The following SLC5A6 variants were observed in gnomAD, a reference collection of about 807,000 sequenced individuals.
SLC5A6 encodes the protein solute carrier family 5 member 6, also known as sodium-dependent multivitamin transporter.
Under a neutral mutation model 67.9 loss-of-function variants are expected in SLC5A6, and 31 were observed. That is an observed-to-expected ratio of 0.46 (90% CI 0.34 to 0.62). The LOEUF (loss-of-function observed/expected upper bound fraction) is 0.62, where lower values mean the gene tolerates loss of function less well. Among genes scored for constraint, SLC5A6 ranks in the 20% least tolerant of loss-of-function variants. The pLI, the probability that SLC5A6 is intolerant of heterozygous loss-of-function variation, is 0.01. For synonymous variants in SLC5A6, 343 were observed against 331.0 expected, an observed-to-expected ratio of 1.04 and a Z score of -0.39; for missense variants, 673 against 812.8, an observed-to-expected ratio of 0.83 and a Z score of 2.09.
At chr2:27,211,950 C>G (rs1572406367) in intron 1 of SLC5A6, 70 bp downstream of exon 1, 2 of 459,020 alleles carry the variant, frequency 4.4e-6, no homozygotes, top group East Asian at 8.4e-5. Context: ...GAGCCCTGGC[C>G]GGGAGCCCGC....
intron 2 of SLC5A6, among the ~76,000 whole-genome samples, chr2:27,209,860 T>C (rs943424572): frequency 1.6e-4 from 25 of 152,332 alleles, no homozygotes; most frequent in African/African-American, 5.3e-4. Context: ...CTGGCAACTC[T>C]TGGATCACAT....
upstream of SLC5A6, chr2:27,212,385 C>T (rs755297948): frequency 3.2e-6 from 5 of 1,550,682 alleles, no homozygotes; most frequent in South Asian, 2.4e-5. Flanking sequence ...CCTCACGACC[C>T]GGGTAGTCTT....
chr2:27,210,565 G>T (rs1674402717), intron 2 of SLC5A6, among the ~76,000 whole-genome samples: 1 of 151,824 alleles, frequency 6.6e-6, no homozygotes, highest in Non-Finnish European at 1.5e-5. Flanking sequence ...TGAGTAGCTG[G>T]GACTACAGGC....
intron 2 of SLC5A6, among the ~76,000 whole-genome samples, chr2:27,210,372 T>C (rs566379230): frequency 1.3e-5 from 2 of 152,176 alleles, no homozygotes; most frequent in South Asian, 4.2e-4. Context: ...AAGCAAGAGC[T>C]AGCTGTTGTT....
At chr2:27,201,182 T>G in intron 15 of SLC5A6, 69 bp from the exon 16 acceptor site, 1 of 1,262,120 alleles carries the variant, frequency 7.9e-7, no homozygotes, top group African/African-American at 1.5e-5. Context: ...TGTCCTCCCT[T>G]GGCCCCCAGA....
chr2:27,201,453 C>A lies in SLC5A6; in HGVS notation c.1545G>T (p.Lys515Asn). 1 of 1,602,756 alleles carries A rather than the reference C, an allele frequency of 6.2e-7. No individual in the cohort carries two copies. The highest frequency in any genetic ancestry group is 1.3e-5 in the African/African-American group (1 of 74,818). ...AATAGAACCGCTGCAGCCCTGTGGG[C>A]CTGGGAAGAGCAGAGGTGAGAACAA... ...TTLMPLTTFS[K>N]PTGLQRFYSL... Residue 515 changes from lysine to asparagine, a missense_variant and splice_region_variant, in exon 15 of 17, where the codon AAG (lysine) becomes AAT (asparagine). Coordinates refer to ENST00000310574, the MANE Select transcript of SLC5A6 (RefSeq NM_021095.4).
intron 12 of SLC5A6, 85 bp from the exon 13 acceptor site, chr2:27,202,159 T>C: frequency 1.1e-6 from 1 of 943,710 alleles, no homozygotes; most frequent in South Asian, 1.4e-5. Context: ...CCACCAGCCA[T>C]GACCTTGGAG....
intron 7 of SLC5A6, 94 bp from the exon 8 acceptor site, chr2:27,205,025 G>A (rs1454189338): frequency 6.8e-7 from 1 of 1,471,378 alleles, no homozygotes; most frequent in Non-Finnish European, 9.4e-7. Flanking sequence ...GGAAAGGAGA[G>A]ACACCACTGC....
intron 1 of SLC5A6, 60 bp downstream of exon 1, chr2:27,211,960 C>CG (rs1291378138): frequency 9.9e-6 from 5 of 502,782 alleles, no homozygotes; most frequent in East Asian, 3.8e-5. Flanking sequence ...CGGGAGCCCG[C>CG]GGGGGCCCCG....
In SLC5A6 at chr2:27,207,139, T is replaced by C. The variant is rs1674135159; in HGVS notation, c.393+119A>G. On this transcript the variant is annotated intron_variant, in intron 3 of 16. Coordinates refer to ENST00000310574, the MANE Select transcript of SLC5A6 (RefSeq NM_021095.4). The surrounding 1 kb of genome is among the most constrained non-coding windows in gnomAD (Gnocchi z 5.5). ...GAAAGAATTATAAACACACAATGAGTTTTCTGTCCCTCTCATTAGGTGGAG... is the reference window on the plus strand; with the variant it reads ...GAAAGAATTATAAACACACAATGAGCTTTCTGTCCCTCTCATTAGGTGGAG... 8.6e-7 allele frequency: 1 copy of C among 1,166,546 alleles called. No homozygotes were observed. The allele number at this position is 1,166,546 out of a possible 1,614,324, so 72.3% of individuals were successfully genotyped here.
chr2:27,200,620 G>A (rs545100151), intron 16 of SLC5A6, 41 bp from the exon 17 acceptor site: 80 of 1,580,734 alleles, frequency 5.1e-5, no homozygotes, highest in Non-Finnish European at 6.7e-5. Flanking sequence ...GGTGAAGACG[G>A]ATGACGGGTG....
intron 12 of SLC5A6, 95 bp from the exon 13 acceptor site, chr2:27,202,169 G>T: frequency 1.2e-6 from 1 of 868,450 alleles, no homozygotes. Context: ...TGACCTTGGA[G>T]CCCCACTTGT....
intron 5 of SLC5A6, 132 bp downstream of exon 5, chr2:27,206,351 A>G: frequency 2.3e-6 from 2 of 856,896 alleles, no homozygotes; most frequent in Non-Finnish European, 3.8e-6. Flanking sequence ...GACCCACCCA[A>G]GGGCCCAAGC....
rs1228223206 is a variant in SLC5A6 at position 27,201,100 on chromosome 2, G to A, written c.1662C>T (p.Gly554=). ...AAATGGTTGCAGGGTTCAGGGACCG[G>A]CCTCGCATTCTCCCTGAATGGAAAT... The part of the protein sequence containing the change: ...IVSLLTGRMR[G]RSLNPATIYP... Residue 554 remains glycine (G), a synonymous_variant, in exon 16 of 17, where the codon GGC becomes GGT. Coordinates refer to ENST00000310574, the MANE Select transcript of SLC5A6 (RefSeq NM_021095.4). 6.2e-7 allele frequency: 1 copy of A among 1,611,912 alleles called. No homozygotes were observed. The highest frequency in any genetic ancestry group is 1.1e-5 in the South Asian group (1 of 90,902).
At chr2:27,212,500 A>G (rs762960190), upstream of SLC5A6, 1 of 1,543,180 alleles carries the variant, frequency 6.5e-7, no homozygotes, top group East Asian at 2.5e-5. Context: ...GGGCTGAAGC[A>G]GGGTCGCTGG....
chr2:27,205,582 C>T (rs1193061334), intron 6 of SLC5A6, 78 bp from the exon 7 acceptor site: 5 of 1,537,528 alleles, frequency 3.3e-6, no homozygotes, highest in East Asian at 4.5e-5. Flanking sequence ...TTTGTTGTTG[C>T]TCCATTTTGT....
intron 4 of SLC5A6, 26 bp from the exon 5 acceptor site, chr2:27,206,560 G>A: frequency 6.2e-7 from 1 of 1,608,172 alleles, no homozygotes; most frequent in Non-Finnish European, 8.5e-7. Flanking sequence ...AAAATGTGAT[G>A]GGGGCCGGAG....
chr2:27,200,203 C>A lies in SLC5A6; in HGVS notation c.*233G>T. ...CTGGCATGATCCTGCTCCCTACGAG[C>A]CTGATCCTTTAAAAAACAGATTGGC... On this transcript the variant is annotated 3_prime_UTR_variant, in exon 17 of 17. Transcript: ENST00000310574. The A allele has an allele frequency of 2.2e-6, 1 of 458,396 alleles. No homozygotes were observed. The highest frequency in any genetic ancestry group is 4.5e-5 in the South Asian group (1 of 22,096). 28.4% of individuals were successfully genotyped at this position (458,396 alleles called of 1,614,324 possible). A position where few individuals can be genotyped will look rare whatever the true frequency, so the allele number is the denominator to read the frequency against.
At position 27,201,041 on chromosome 2, in the gene SLC5A6, G is replaced by A. The variant is rs369723459; in HGVS notation, c.1721C>T (p.Pro574Leu). 1.7e-5 allele frequency: 27 copies of A among 1,613,746 alleles called. 1 individual carries two copies. Among genetic ancestry groups the A allele is most frequent in the East Asian group, 8.9e-5 (4 of 44,888 alleles). The change falls in exon 16 of 17, where the codon CCG becomes CTG. Residue 574 changes from proline to leucine, a missense_variant. Coordinates refer to ENST00000310574, the MANE Select transcript of SLC5A6 (RefSeq NM_021095.4). ...PVLPKLLSLL[P>L]LSCQKRLHCR... ...GTGGAGCCGCTTCTGACAGGACAAC[G>A]GAAGGAGGGACAGGAGCTTTGGCAA...
Sources: gnomAD v4.1 joint callset for allele counts (sites outside exome capture counted in the v4.1 genomes callset) on GRCh38, gnomAD v4.1.1 for gene constraint, Gnocchi (gnomAD v3.1) non-coding constraint, MANE v1.5 for transcripts, NCBI Gene and HGNC (gene_info 2026-07-23, HGNC 2026-07-21) for gene names.